Variants in KHDRBS2 observed in about 807,000 individuals in gnomAD.
KHDRBS2 encodes the protein KH domain-containing, RNA-binding, signal transduction-associated protein 2.
KHDRBS2 carries 26 observed loss-of-function variants against 44.3 expected under a neutral mutation model. That is an observed-to-expected ratio of 0.59 (90% CI 0.43 to 0.81). KHDRBS2 has a LOEUF of 0.81. Among genes scored for constraint, KHDRBS2 ranks in the 40% least tolerant of loss-of-function variants. The pLI is 0.00. For synonymous variants in KHDRBS2, 194 were observed against 151.1 expected, an observed-to-expected ratio of 1.28 and a Z score of -2.08; for missense variants, 476 against 433.1, an observed-to-expected ratio of 1.10 and a Z score of -0.88.
At chr6:61,589,083 G>T in the KHDRBS2 span, among the ~76,000 whole-genome samples, 2 of 151,896 alleles carry the variant, frequency 1.3e-5, no homozygotes, top group Admixed American at 6.6e-5. Context: ...GGGGGTAGGG[G>T]GGCAAAGGGA....
intron 6 of KHDRBS2, among the ~76,000 whole-genome samples, chr6:61,790,951 A>C (rs1303811296): frequency 6.6e-6 from 1 of 151,520 alleles, no homozygotes; most frequent in Non-Finnish European, 1.5e-5. Context: ...TAACAGCTAT[A>C]GGGTCACTTG....
Position 61,755,427 on chromosome 6 carries a change from C to A in KHDRBS2, c.811-22663G>T, listed in dbSNP as rs142190068. ...AGGCTAAAAGTTCATCAAAACTAGT[C>A]TGCAGAAAAACAAAGCTTATCAGAA... On this transcript the variant is annotated intron_variant, in intron 6 of 8. Coordinates refer to ENST00000281156, the MANE Select transcript of KHDRBS2 (RefSeq NM_152688.4). 2.4e-4 allele frequency among the ~76,000 whole-genome samples: 37 copies of A among 152,204 alleles called. No homozygotes were observed. In the East Asian group the frequency reaches 7.1e-3, roughly 29 times the overall value.
chr6:61,815,435 T>C (rs1788761462), intron 6 of KHDRBS2, among the ~76,000 whole-genome samples: 1 of 152,190 alleles, frequency 6.6e-6, no homozygotes, highest in African/African-American at 2.4e-5. Context: ...ATTTTAGCTT[T>C]CCAAATGCCA....
chr6:61,683,536 A>G (rs1425466132), intron 8 of KHDRBS2, among the ~76,000 whole-genome samples: 1 of 151,878 alleles, frequency 6.6e-6, no homozygotes, highest in Non-Finnish European at 1.5e-5. Context: ...TTCCAGTGAT[A>G]ATTCAAAAAA....
At chr6:61,771,674 C>G (rs537455819) in intron 6 of KHDRBS2, among the ~76,000 whole-genome samples, 1 of 152,136 alleles carries the variant, frequency 6.6e-6, no homozygotes, top group Non-Finnish European at 1.5e-5. Flanking sequence ...CAGGAGCACC[C>G]AGATTCATAA....
At chr6:61,985,765 T>C (rs1490466793) in intron 3 of KHDRBS2, among the ~76,000 whole-genome samples, 2 of 152,168 alleles carry the variant, frequency 1.3e-5, no homozygotes, top group Non-Finnish European at 2.9e-5. Flanking sequence ...CAGTAGTTTA[T>C]GACTTAGCAC....
chr6:61,848,264 C>T (rs546180899), intron 6 of KHDRBS2, among the ~76,000 whole-genome samples: 1 of 150,748 alleles, frequency 6.6e-6, no homozygotes, highest in African/African-American at 2.4e-5. Context: ...TTATGAAACA[C>T]CATTTATGAA....
chr6:61,880,151 G>A (rs1216696856), intron 6 of KHDRBS2, among the ~76,000 whole-genome samples: 1 of 151,784 alleles, frequency 6.6e-6, no homozygotes, highest in Non-Finnish European at 1.5e-5. Flanking sequence ...GAGGTACTCC[G>A]AATGGAAAAG....
At position 62,286,056 on chromosome 6, in the gene KHDRBS2, G is replaced by A. The variant is rs1842453560; in HGVS notation, c.-108C>T. ...CTCCCGCGCTGCTCCTCCTCCGCGC[G>A]GCGAGGGATCTCTGTGCGTCCTCAC... On this transcript the variant is annotated 5_prime_UTR_variant, in exon 1 of 9. Coordinates refer to ENST00000281156, the MANE Select transcript of KHDRBS2 (RefSeq NM_152688.4). 2 of 716,076 alleles carry A rather than the reference G, an allele frequency of 2.8e-6. No homozygotes were observed. The highest frequency in any genetic ancestry group is 4.9e-6 in the Non-Finnish European group (2 of 404,778). 44.4% of individuals were successfully genotyped at this position (716,076 alleles called of 1,614,324 possible). A position where few individuals can be genotyped will look rare whatever the true frequency, so the allele number is the denominator to read the frequency against.
chr6:62,003,310 A>G (rs1182990683), intron 3 of KHDRBS2, among the ~76,000 whole-genome samples: 2 of 152,046 alleles, frequency 1.3e-5, no homozygotes, highest in Admixed American at 1.3e-4. Context: ...AAATAAAATA[A>G]AATAAAATAA....
chr6:62,273,579 T>G (rs1563169892), intron 1 of KHDRBS2, among the ~76,000 whole-genome samples: 3 of 152,208 alleles, frequency 2.0e-5, no homozygotes, highest in Non-Finnish European at 4.4e-5. Context: ...CCTTAAATAC[T>G]GTTATTCCTC....
At chr6:62,232,368 T>C (rs901903076) in intron 1 of KHDRBS2, among the ~76,000 whole-genome samples, 1 of 152,174 alleles carries the variant, frequency 6.6e-6, no homozygotes. Flanking sequence ...CCTCTCCTTA[T>C]GTAATTGAGA....
At chr6:61,548,117 C>T in the KHDRBS2 span, among the ~76,000 whole-genome samples, 10 of 151,952 alleles carry the variant, frequency 6.6e-5, no homozygotes, top group African/African-American at 2.4e-4. Flanking sequence ...TCTAATACTT[C>T]AAAAGAGAAT....
rs1164840621 is a variant in KHDRBS2 at position 61,991,810 on chromosome 6, G to C, written c.337-13598C>G. 1.2e-4 allele frequency among the ~76,000 whole-genome samples: 19 copies of C among 152,314 alleles called. No individual in the cohort carries two copies. The East Asian group carries it at 3.7e-3, about 29-fold the overall frequency. ...CTGAATGGAGTGACTAAGCCAGAGA[G>C]GGGAAAACAAGTACAACACAACGAA... On this transcript the variant is annotated intron_variant, in intron 3 of 8. Transcript: ENST00000281156.
chr6:61,723,028 T>C (rs1226250226), intron 7 of KHDRBS2, among the ~76,000 whole-genome samples: 1 of 152,104 alleles, frequency 6.6e-6, no homozygotes, highest in Admixed American at 6.6e-5. Context: ...AGAAGCAGGC[T>C]GCCATCTTTG....
At chr6:62,036,573 C>A (rs918401352) in intron 3 of KHDRBS2, among the ~76,000 whole-genome samples, 2 of 151,884 alleles carry the variant, frequency 1.3e-5, no homozygotes, top group African/African-American at 2.4e-5. Context: ...AATTTGGATC[C>A]ATTTTCTATT....
At chr6:61,996,503 C>A (rs1402892314) in intron 3 of KHDRBS2, among the ~76,000 whole-genome samples, 1 of 151,808 alleles carries the variant, frequency 6.6e-6, no homozygotes, top group East Asian at 1.9e-4. Context: ...TTTTCTGGGC[C>A]TTTTTATTGG....
At chr6:61,882,235 T>A (rs1196101201) in intron 6 of KHDRBS2, among the ~76,000 whole-genome samples, 1 of 151,862 alleles carries the variant, frequency 6.6e-6, no homozygotes, top group Non-Finnish European at 1.5e-5. Flanking sequence ...AAATTACTCA[T>A]CCCCCAGCAA....
At chr6:61,806,125 A>G (rs1382288018) in intron 6 of KHDRBS2, among the ~76,000 whole-genome samples, 1 of 152,182 alleles carries the variant, frequency 6.6e-6, no homozygotes, top group African/African-American at 2.4e-5. Flanking sequence ...ATCATGACAC[A>G]TTTCCTCAAG....
Sources: allele counts gnomAD v4.1 joint callset (sites outside exome capture counted in the v4.1 genomes callset), GRCh38; gene constraint gnomAD v4.1.1; transcripts MANE v1.5; gene names NCBI Gene and HGNC (gene_info 2026-07-23, HGNC 2026-07-21).